DHX30: variants seen among roughly 807,000 people sequenced by gnomAD.
The protein encoded by DHX30 is ATP-dependent RNA helicase DHX30.
In DHX30, 4 loss-of-function variants were observed where a neutral mutation model predicts 116.9. The observed-to-expected ratio is 0.03, with a 90% confidence interval of 0.02 to 0.08. The LOEUF (loss-of-function observed/expected upper bound fraction) is 0.08, where lower values mean the gene tolerates loss of function less well. Ranked by LOEUF, DHX30 falls within the 10% of genes least tolerant of loss-of-function variation. The pLI, the probability that DHX30 is intolerant of heterozygous loss-of-function variation, is 1.00. For synonymous variants in DHX30, 697 were observed against 651.7 expected (o/e 1.07, Z -1.06); for missense variants, 871 against 1,595.1 (o/e 0.55, Z 7.73).
chr3:47,817,236 T>C (rs971856521), intron 3 of DHX30, among the ~76,000 whole-genome samples: 6 of 152,202 alleles, frequency 3.9e-5, no homozygotes, highest in African/African-American at 1.4e-4. Context: ...CTAGTGACTC[T>C]CTGAATGTCA....
intron 3 of DHX30, chr3:47,816,323 A>T: frequency 2.1e-6 from 2 of 974,700 alleles, no homozygotes; most frequent in Non-Finnish European, 2.4e-6. Context: ...GCTCAGGGTG[A>T]TGTGATGCTG....
chr3:47,814,922 C>T (rs938486200), intron 3 of DHX30, among the ~76,000 whole-genome samples: 3 of 151,326 alleles, frequency 2.0e-5, no homozygotes, highest in Non-Finnish European at 4.4e-5. Flanking sequence ...CAGGGTCTTC[C>T]TATGTTTCCC....
chr3:47,805,532 A>C (rs942037875), intron 2 of DHX30, 112 bp downstream of exon 2: 1 of 395,078 alleles, frequency 2.5e-6, no homozygotes. Context: ...GAAGGATATC[A>C]TTTATTTTAT....
chr3:47,807,851 T>A (rs2035603218), intron 2 of DHX30, among the ~76,000 whole-genome samples: 1 of 150,940 alleles, frequency 6.6e-6, no homozygotes. Flanking sequence ...CACCTGGGCG[T>A]CCCAAAGTGC....
chr3:47,803,778 G>T (rs1422561536), intron 1 of DHX30, among the ~76,000 whole-genome samples: 1 of 152,208 alleles, frequency 6.6e-6, no homozygotes, highest in Non-Finnish European at 1.5e-5. Flanking sequence ...ATTTAGCAGG[G>T]GAAGACCAAA....
At chr3:47,807,703 C>CAAAAA (rs1202083372) in intron 2 of DHX30, among the ~76,000 whole-genome samples, 2 of 32,728 alleles carry the variant, frequency 6.1e-5, no homozygotes, top group East Asian at 1.1e-3. Flanking sequence ...GACTCTGTCT[C>CAAAAA]AAAAAAAAAA....
At chr3:47,833,827 C>T (rs770048640) in intron 6 of DHX30, among the ~76,000 whole-genome samples, 19 of 151,832 alleles carry the variant, frequency 1.3e-4, no homozygotes, top group Non-Finnish European at 2.6e-4. Context: ...CACTGCACTT[C>T]AGCCTGAGCA....
At chr3:47,839,446 C>T (rs1217465343) in intron 6 of DHX30, among the ~76,000 whole-genome samples, 1 of 151,600 alleles carries the variant, frequency 6.6e-6, no homozygotes, top group East Asian at 2.0e-4. Flanking sequence ...AGGCATGCAC[C>T]ACCATGCCCA....
intron 10 of DHX30, 75 bp downstream of exon 10, chr3:47,845,927 C>T: frequency 6.5e-7 from 1 of 1,530,386 alleles, no homozygotes; most frequent in Non-Finnish European, 8.8e-7. Flanking sequence ...AAGGCCTCCA[C>T]CTGCGACAGG....
chr3:47,815,723 C>CAAAAAAAAAAAAA (rs11349970), intron 3 of DHX30, among the ~76,000 whole-genome samples: 20 of 20,760 alleles, frequency 9.6e-4, no homozygotes, highest in Admixed American at 1.5e-3. Context: ...TAAAAAAGAG[C>CAAAAAAAAAAAAA]AAAAAAAAAA....
At chr3:47,840,795 T>G (rs1281368320) in intron 6 of DHX30, 82 bp from the exon 7 acceptor site, 2 of 1,567,838 alleles carry the variant, frequency 1.3e-6, no homozygotes, top group East Asian at 2.3e-5. Context: ...CAACACAACT[T>G]AACGGTGTAG....
At chr3:47,812,892 G>C (rs192241531) in intron 3 of DHX30, among the ~76,000 whole-genome samples, 2 of 151,854 alleles carry the variant, frequency 1.3e-5, no homozygotes, top group Admixed American at 1.3e-4. Context: ...TGTAACTCCT[G>C]AGCTCAAGTG....
chr3:47,808,202 A>G (rs1005145433), intron 2 of DHX30, among the ~76,000 whole-genome samples: 3 of 143,600 alleles, frequency 2.1e-5, no homozygotes, highest in Non-Finnish European at 4.5e-5. Flanking sequence ...GAGCCACTGC[A>G]CCCGCCTTAC....
chr3:47,834,783 G>A (rs2037029358), intron 6 of DHX30, among the ~76,000 whole-genome samples: 1 of 152,076 alleles, frequency 6.6e-6, no homozygotes, highest in South Asian at 2.1e-4. Flanking sequence ...TTTAAAGGCT[G>A]AATAATATCC....
chr3:47,821,591 G>A (rs772148538), intron 4 of DHX30, among the ~76,000 whole-genome samples: 82 of 150,580 alleles, frequency 5.4e-4, no homozygotes, highest in Non-Finnish European at 7.8e-4. Flanking sequence ...TTTCTTTAAG[G>A]TCCTTTACTG....
intron 9 of DHX30, 133 bp downstream of exon 9, chr3:47,843,388 G>T: frequency 8.1e-7 from 1 of 1,236,754 alleles, no homozygotes; most frequent in Non-Finnish European, 1.1e-6. Context: ...AAAGACAGCT[G>T]GTATGCAGGC....
At chr3:47,810,565 C>A in intron 2 of DHX30, 92 bp from the exon 3 acceptor site, 1 of 1,034,876 alleles carries the variant, frequency 9.7e-7, no homozygotes, top group Non-Finnish European at 1.5e-6. Context: ...TTTTCATTTT[C>A]TGAACAGTGC....
chr3:47,813,750 G>C (rs1290609102), intron 3 of DHX30, among the ~76,000 whole-genome samples: 2 of 152,136 alleles, frequency 1.3e-5, no homozygotes, highest in Non-Finnish European at 2.9e-5. Flanking sequence ...GTGGTGCCCT[G>C]TGTAACCCAT....
chr3:47,841,273 G>A lies in DHX30; in HGVS notation c.668+95G>A, dbSNP rs577237890. The A allele has an allele frequency of 5.3e-5, 79 of 1,499,956 alleles. No individual in the cohort carries two copies. The East Asian group carries it at 1.8e-3, about 34-fold the overall frequency. The allele number at this position is 1,499,956 out of a possible 1,614,324, so 92.9% of individuals were successfully genotyped here. On this transcript the variant is annotated intron_variant, in intron 7 of 21. Transcript: ENST00000445061. ...TGCTAGCTTTCTCTGAGATGGGAGC[G>A]CCCCTGCCTCACATTTCAGCCTGTG...
Sources: gnomAD v4.1 joint callset for allele counts (sites outside exome capture counted in the v4.1 genomes callset) on GRCh38, gnomAD v4.1.1 for gene constraint, MANE v1.5 for transcripts, NCBI Gene and HGNC (gene_info 2026-07-23, HGNC 2026-07-21) for gene names.